The following ARSB variants were observed in gnomAD, a reference collection of about 807,000 sequenced individuals.
ARSB encodes N-acetylgalactosamine-4-sulfatase.
In ARSB, 41 loss-of-function variants were observed where a neutral mutation model predicts 50.9. The observed-to-expected ratio is 0.81, with a 90% CI of 0.63 to 1.04. ARSB has a LOEUF of 1.04. Ranked by LOEUF, ARSB falls within the 50% of genes least tolerant of loss-of-function variation. The pLI, the probability that ARSB is intolerant of heterozygous loss-of-function variation, is 0.00. For synonymous variants in ARSB, 269 were observed against 284.8 expected (o/e 0.94, Z 0.56); for missense variants, 672 against 693.3 (o/e 0.97, Z 0.35).
At chr5:78,957,704 G>A (rs990641442) in intron 3 of ARSB, among the ~76,000 whole-genome samples, 7 of 152,120 alleles carry the variant, frequency 4.6e-5, no homozygotes, top group Admixed American at 6.5e-5. Context: ...ATGCTGAAGC[G>A]TCTATGTTCG....
At chr5:78,925,216 A>C (rs1437735398) in intron 4 of ARSB, among the ~76,000 whole-genome samples, 3 of 152,244 alleles carry the variant, frequency 2.0e-5, no homozygotes, top group Non-Finnish European at 2.9e-5. Flanking sequence ...TCAATGTAAA[A>C]AGTGATCTTG....
intron 5 of ARSB, among the ~76,000 whole-genome samples, chr5:78,845,690 T>A (rs1280694133): frequency 6.6e-6 from 1 of 152,126 alleles, no homozygotes; most frequent in Non-Finnish European, 1.5e-5. Flanking sequence ...TTTTGAGAGG[T>A]GTCTATTCAG....
chr5:78,899,311 G>A (rs1056284268), intron 4 of ARSB, among the ~76,000 whole-genome samples: 2 of 152,076 alleles, frequency 1.3e-5, no homozygotes, highest in African/African-American at 4.8e-5. Context: ...GGTCAAATCT[G>A]TTTGGTGTTC....
At position 78,872,377 on chromosome 5, in the gene ARSB, T is replaced by G. The variant is rs994174985; in HGVS notation, c.1142+13207A>C. 1.4e-5 allele frequency among the ~76,000 whole-genome samples: 2 copies of G among 144,956 alleles called. 1 individual carries two copies. Among genetic ancestry groups the G allele is most frequent in the Non-Finnish European group, 3.1e-5 (2 of 65,520 alleles). On this transcript the variant is annotated intron_variant, in intron 5 of 7. Transcript: ENST00000264914. Reference sequence around the variant, plus strand: ...AAGACACATGCACACGTATGTTTATTGTGGCATTATTCACAATAGCAAAGA... The same window carrying G: ...AAGACACATGCACACGTATGTTTATGGTGGCATTATTCACAATAGCAAAGA...
At chr5:78,881,446 A>G (rs2112194110) in intron 5 of ARSB, among the ~76,000 whole-genome samples, 1 of 152,304 alleles carries the variant, frequency 6.6e-6, no homozygotes. Context: ...AAATATTTGC[A>G]AGAAATACAA....
intron 4 of ARSB, among the ~76,000 whole-genome samples, chr5:78,909,564 G>T (rs555254894): frequency 6.6e-5 from 10 of 152,304 alleles, no homozygotes; most frequent in African/African-American, 1.9e-4. Context: ...GGGCTGTGTG[G>T]GATGTGCCTT....
At chr5:78,851,879 C>G (rs1433712277) in intron 5 of ARSB, among the ~76,000 whole-genome samples, 2 of 152,036 alleles carry the variant, frequency 1.3e-5, no homozygotes, top group Non-Finnish European at 2.9e-5. Context: ...ACTAGGATTG[C>G]AACCCCTGCC....
At chr5:78,798,499 C>A (rs1219219660) in intron 6 of ARSB, among the ~76,000 whole-genome samples, 1 of 151,516 alleles carries the variant, frequency 6.6e-6, no homozygotes, top group Non-Finnish European at 1.5e-5. Context: ...AGGAGAAAGA[C>A]CCCCCCGCCC....
chr5:78,798,174 T>C (rs751185339), intron 6 of ARSB, among the ~76,000 whole-genome samples: 6 of 152,196 alleles, frequency 3.9e-5, no homozygotes, highest in East Asian at 1.9e-4. Context: ...AAAGATAAGA[T>C]TGGAAGAAAA....
At chr5:78,889,386 A>C (rs1748179585) in intron 4 of ARSB, among the ~76,000 whole-genome samples, 1 of 152,226 alleles carries the variant, frequency 6.6e-6, no homozygotes, top group African/African-American at 2.4e-5. Context: ...CTTTCTTGTT[A>C]AGAATTCATA....
chr5:78,839,271 A>G (rs987842932), intron 6 of ARSB, 85 bp downstream of exon 6: 2 of 1,325,240 alleles, frequency 1.5e-6, no homozygotes, highest in Non-Finnish European at 2.2e-6. Flanking sequence ...AAAAAAGAGA[A>G]AGCTAGGCTA....
rs139867141 is a variant in ARSB at position 78,925,653 on chromosome 5, T to C, written c.898+29642A>G. 9.5e-3 allele frequency among the ~76,000 whole-genome samples: 1,447 copies of C among 152,330 alleles called. 26 individuals are homozygous for C. The highest frequency in any genetic ancestry group is 0.033 in the African/African-American group (1,381 of 41,560). On this transcript the variant is annotated intron_variant, in intron 4 of 7. Coordinates refer to ENST00000264914, the MANE Select transcript of ARSB (RefSeq NM_000046.5). ...TACCTCCCCACTTTTCAGAACAGTATGTTCTGTCGTAAACAAGACACTTTA... is the reference window on the plus strand; with the variant it reads ...TACCTCCCCACTTTTCAGAACAGTACGTTCTGTCGTAAACAAGACACTTTA...
Position 78,777,335 on chromosome 5 carries a change from A to ATG in ARSB, c.*3061_*3062insCA, listed in dbSNP as rs1748798643. On this transcript the variant is annotated 3_prime_UTR_variant, in exon 8 of 8. Coordinates refer to ENST00000264914, the MANE Select transcript of ARSB (RefSeq NM_000046.5). The stretch of plus-strand genomic sequence containing the variant: ...ATAAAACATAAAACTTAACATTTTA[A>ATG]CCACTTTAAAACATACAATTCAGTG... 6.6e-6 allele frequency: 1 copy of ATG among 152,610 alleles called. No individual in the cohort carries two copies. Among genetic ancestry groups the ATG allele is most frequent in the Non-Finnish European group, 1.5e-5 (1 of 68,048 alleles). The allele number at this position is 152,610 out of a possible 1,614,324, so 9.5% of individuals were successfully genotyped here.
intron 5 of ARSB, among the ~76,000 whole-genome samples, chr5:78,863,017 C>T (rs1029817654): frequency 3.3e-5 from 5 of 152,188 alleles, no homozygotes; most frequent in Admixed American, 2.0e-4. Flanking sequence ...TGCTCATCAT[C>T]ACTGGTCATC....
At chr5:78,889,131 GGGTGC>G (rs1306082520) in intron 4 of ARSB, among the ~76,000 whole-genome samples, 2 of 152,208 alleles carry the variant, frequency 1.3e-5, no homozygotes, top group Non-Finnish European at 2.9e-5. Context: ...ATGAGAAATA[GGGTGC>G]GGTCCATAAG....
At chr5:78,887,684 T>G (rs1484065830) in intron 4 of ARSB, among the ~76,000 whole-genome samples, 1 of 152,198 alleles carries the variant, frequency 6.6e-6, no homozygotes, top group East Asian at 1.9e-4. Flanking sequence ...GTCACGTTTT[T>G]TAAAAGGAAG....
intron 1 of ARSB, among the ~76,000 whole-genome samples, chr5:78,979,424 T>G (rs1752802595): frequency 6.6e-6 from 1 of 152,176 alleles, no homozygotes; most frequent in Non-Finnish European, 1.5e-5. Context: ...TGGAAAACAA[T>G]TTCCAATTCC....
chr5:78,839,782 C>T (rs1386416573), intron 5 of ARSB, among the ~76,000 whole-genome samples: 1 of 152,158 alleles, frequency 6.6e-6, no homozygotes, highest in African/African-American at 2.4e-5. Flanking sequence ...TGAACACTTA[C>T]GAGTAAATGA....
upstream of ARSB, chr5:78,985,418 GC>G (rs1458945880): frequency 9.2e-6 from 5 of 541,358 alleles, no homozygotes; most frequent in Non-Finnish European, 1.3e-5. Context: ...TCCGACCCGG[GC>G]CCCCGGCTGC....
Sources: allele counts gnomAD v4.1 joint callset (sites outside exome capture counted in the v4.1 genomes callset), GRCh38; gene constraint gnomAD v4.1.1; transcripts MANE v1.5; gene names NCBI Gene and HGNC (gene_info 2026-07-23, HGNC 2026-07-21).